The following SPON1 variants were observed in gnomAD, a reference collection of about 807,000 sequenced individuals.
SPON1 encodes spondin 1.
A neutral mutation model predicts 111.7 loss-of-function variants in SPON1; 52 were observed. The observed-to-expected ratio is 0.47, with a 90% CI of 0.37 to 0.59. SPON1 has a LOEUF of 0.59. SPON1 is among the 20% of genes least tolerant of loss of function. The pLI is 0.00. For synonymous variants in SPON1, 410 were observed against 395.8 expected (o/e 1.04, Z -0.43); for missense variants, 957 against 1,068.5 (o/e 0.90, Z 1.46).
chr11:14,085,340 G>C (rs1848997799), intron 5 of SPON1, among the ~76,000 whole-genome samples: 1 of 152,072 alleles, frequency 6.6e-6, no homozygotes, highest in African/African-American at 2.4e-5. Flanking sequence ...TATAAGGAAG[G>C]GTCCAGTTTC....
chr11:13,991,445 C>G (rs1396654777), intron 2 of SPON1, among the ~76,000 whole-genome samples: 1 of 152,176 alleles, frequency 6.6e-6, no homozygotes, highest in African/African-American at 2.4e-5. Flanking sequence ...ATGTTCTTCT[C>G]TACACTGGTT....
intron 6 of SPON1, among the ~76,000 whole-genome samples, chr11:14,236,803 C>CAAAT (rs1322111760): frequency 1.3e-5 from 2 of 152,130 alleles, no homozygotes; most frequent in African/African-American, 4.8e-5. Context: ...CCAGCTGTGT[C>CAAAT]AAATACTGCT....
intron 2 of SPON1, among the ~76,000 whole-genome samples, chr11:14,012,778 A>C (rs572488104): frequency 6.6e-6 from 1 of 152,126 alleles, no homozygotes; most frequent in East Asian, 1.9e-4. Flanking sequence ...CTAGAGTGCA[A>C]GTCCTTTGAG....
intron 6 of SPON1, among the ~76,000 whole-genome samples, chr11:14,140,690 TG>T (rs1395536441): frequency 2.0e-5 from 3 of 152,196 alleles, no homozygotes; most frequent in Admixed American, 6.5e-5. Flanking sequence ...CCACCACACT[TG>T]GCCTCAGTAG....
intron 6 of SPON1, among the ~76,000 whole-genome samples, chr11:14,186,547 C>T (rs541418170): frequency 2.6e-5 from 4 of 152,272 alleles, no homozygotes; most frequent in African/African-American, 9.6e-5. Flanking sequence ...GACTCTGTAC[C>T]TTTAACCATG....
intron 5 of SPON1, among the ~76,000 whole-genome samples, chr11:14,087,666 G>T (rs1308314216): frequency 6.6e-6 from 1 of 152,110 alleles, no homozygotes; most frequent in Non-Finnish European, 1.5e-5. Flanking sequence ...GGTCCACTTG[G>T]TCCAGAGCTG....
At chr11:14,196,934 C>T (rs1199337356) in intron 6 of SPON1, among the ~76,000 whole-genome samples, 1 of 152,158 alleles carries the variant, frequency 6.6e-6, no homozygotes, top group Non-Finnish European at 1.5e-5. Context: ...CCTTTAGTCC[C>T]AGCTACTTGG....
At chr11:14,001,959 T>C (rs1848322249) in intron 2 of SPON1, among the ~76,000 whole-genome samples, 1 of 152,212 alleles carries the variant, frequency 6.6e-6, no homozygotes, top group Non-Finnish European at 1.5e-5. Flanking sequence ...CTATTATTAA[T>C]TGATCAACAT....
intron 6 of SPON1, among the ~76,000 whole-genome samples, chr11:14,146,491 A>G: frequency 6.6e-6 from 1 of 152,150 alleles, no homozygotes. Context: ...ATGAACAAAG[A>G]AAACTTGGAT....
intron 6 of SPON1, among the ~76,000 whole-genome samples, chr11:14,214,604 A>G (rs1405397409): frequency 2.6e-5 from 4 of 152,220 alleles, no homozygotes; most frequent in Non-Finnish European, 5.9e-5. Context: ...CCAAGGAGGT[A>G]AAGAGAAGGC....
intron 5 of SPON1, among the ~76,000 whole-genome samples, chr11:14,095,254 C>T (rs1454299955): frequency 6.6e-6 from 1 of 151,990 alleles, no homozygotes; most frequent in Non-Finnish European, 1.5e-5. Flanking sequence ...TAAAACCAAG[C>T]ATTTCTGGGT....
At chr11:14,062,553 G>C (rs1400111177) in intron 3 of SPON1, among the ~76,000 whole-genome samples, 1 of 152,162 alleles carries the variant, frequency 6.6e-6, no homozygotes, top group East Asian at 1.9e-4. Context: ...GAACAGAGAA[G>C]AATCCAAATT....
intron 2 of SPON1, among the ~76,000 whole-genome samples, chr11:13,984,647 G>T (rs560997606): frequency 1.3e-5 from 2 of 152,268 alleles, no homozygotes; most frequent in East Asian, 3.9e-4. Context: ...TGTTGCATTG[G>T]GGATTAAGTT....
intron 2 of SPON1, among the ~76,000 whole-genome samples, chr11:13,993,509 CTT>C (rs1234036764): frequency 6.6e-6 from 1 of 152,196 alleles, no homozygotes; most frequent in Non-Finnish European, 1.5e-5. Flanking sequence ...AGCTCACTCT[CTT>C]GTCTCCTTCA....
intron 2 of SPON1, among the ~76,000 whole-genome samples, chr11:13,998,202 G>A (rs1554912061): frequency 6.6e-6 from 1 of 152,182 alleles, no homozygotes; most frequent in Non-Finnish European, 1.5e-5. Context: ...TTAACACTGA[G>A]GGAATCAGAG....
intron 1 of SPON1, among the ~76,000 whole-genome samples, chr11:13,981,130 TAA>T (rs1346948828): frequency 6.6e-6 from 1 of 152,144 alleles, no homozygotes; most frequent in Non-Finnish European, 1.5e-5. Flanking sequence ...GTTCTGGGGA[TAA>T]AAAGAGAATG....
intron 3 of SPON1, among the ~76,000 whole-genome samples, chr11:14,069,540 T>C (rs1408707425): frequency 6.6e-6 from 1 of 152,096 alleles, no homozygotes; most frequent in African/African-American, 2.4e-5. Context: ...GCTCCTCCAT[T>C]ATCATGTTCC....
At chr11:14,011,999 T>G (rs1180662359) in intron 2 of SPON1, among the ~76,000 whole-genome samples, 1 of 152,146 alleles carries the variant, frequency 6.6e-6, no homozygotes, top group African/African-American at 2.4e-5. Flanking sequence ...AGGGCTGCAA[T>G]GCATAATGTG....
At chr11:14,232,792 G>C (rs907277244) in intron 6 of SPON1, among the ~76,000 whole-genome samples, 3 of 152,136 alleles carry the variant, frequency 2.0e-5, no homozygotes, top group Non-Finnish European at 2.9e-5. Context: ...CGCTGTCTGG[G>C]CTTGCTGGTT....
Sources: allele counts gnomAD v4.1 joint callset (sites outside exome capture counted in the v4.1 genomes callset), GRCh38; gene constraint gnomAD v4.1.1; transcripts MANE v1.5; gene names NCBI Gene and HGNC (gene_info 2026-07-23, HGNC 2026-07-21).